The following MAPK10 variants were observed in gnomAD, a reference collection of about 807,000 sequenced individuals.
MAPK10 encodes the protein JNK3 alpha protein kinase.
A neutral mutation model predicts 59.3 loss-of-function variants in MAPK10; 25 were observed. The ratio of observed to expected loss-of-function variants is 0.42; its 90% CI spans 0.31 to 0.59. The LOEUF (loss-of-function observed/expected upper bound fraction) is 0.59. Among genes scored for constraint, MAPK10 ranks in the 20% least tolerant of loss-of-function variants. The pLI, the probability that MAPK10 is intolerant of heterozygous loss-of-function variation, is 0.15. For missense variants in MAPK10, 351 were observed against 568.9 expected (o/e 0.62, Z 3.90); for synonymous variants, 190 against 200.5 (o/e 0.95, Z 0.44).
At chr4:86,047,298 T>C (rs990363503) in intron 11 of MAPK10, among the ~76,000 whole-genome samples, 1 of 152,034 alleles carries the variant, frequency 6.6e-6, no homozygotes, top group African/African-American at 2.4e-5. Context: ...GAAGGTAACA[T>C]TTGAGCAGAG....
intron 1 of MAPK10, among the ~76,000 whole-genome samples, chr4:86,560,960 C>A (rs879846974): frequency 2.0e-5 from 3 of 152,142 alleles, no homozygotes; most frequent in Non-Finnish European, 2.9e-5. Flanking sequence ...TATTACAATC[C>A]CTGTTCAATC....
chr4:86,525,458 CCACCCA>C (rs1401746756), intron 1 of MAPK10, among the ~76,000 whole-genome samples: 1 of 151,964 alleles, frequency 6.6e-6, no homozygotes, highest in Non-Finnish European at 1.5e-5. Context: ...TTTTTTAACC[CCACCCA>C]CACCCTAGTC....
intron 11 of MAPK10, among the ~76,000 whole-genome samples, chr4:86,058,292 G>A (rs1332022012): frequency 6.7e-6 from 1 of 149,594 alleles, no homozygotes; most frequent in African/African-American, 2.5e-5. Context: ...AATAAGGAAA[G>A]AATGACCTGG....
At chr4:86,498,555 C>T (rs1755067780) in intron 1 of MAPK10, among the ~76,000 whole-genome samples, 3 of 152,122 alleles carry the variant, frequency 2.0e-5, no homozygotes, top group Admixed American at 6.5e-5. Flanking sequence ...AGACTAGGAT[C>T]ATTAAGACAA....
intron 1 of MAPK10, among the ~76,000 whole-genome samples, chr4:86,370,132 G>C (rs1738530487): frequency 6.6e-6 from 1 of 152,138 alleles, no homozygotes; most frequent in Non-Finnish European, 1.5e-5. Context: ...ATTTTCTGTT[G>C]TTTGATAATG....
At chr4:86,532,178 T>G (rs113721251) in intron 1 of MAPK10, among the ~76,000 whole-genome samples, 7,090 of 151,478 alleles carry the variant, frequency 0.047, 223 homozygotes, top group African/African-American at 0.059. Flanking sequence ...TCAATTCAAA[T>G]AATATTTAAT....
intron 2 of MAPK10, among the ~76,000 whole-genome samples, chr4:86,281,022 T>C (rs2148797545): frequency 6.6e-6 from 1 of 152,188 alleles, no homozygotes; most frequent in Non-Finnish European, 1.5e-5. Context: ...AACAGTTTCA[T>C]TCATACCCCA....
rs184322997 is a variant in MAPK10, at chr4:86,229,875, G to A, written c.-6-35468C>T. Among the ~76,000 whole-genome samples the A allele has an allele frequency of 1.2e-3, 186 of 151,970 alleles. 1 individual carries two copies. Among genetic ancestry groups the A allele is most frequent in the Middle Eastern group, 3.4e-3 (1 of 294 alleles). ...GTTCAATACCAGCCTGGGCAACATAGTGAGACTCTGTCTCTACAAAAAAAA... is the reference window on the plus strand; with the variant it reads ...GTTCAATACCAGCCTGGGCAACATAATGAGACTCTGTCTCTACAAAAAAAA... On this transcript the variant is annotated intron_variant, in intron 2 of 13. Transcript: ENST00000641462.
rs70948789 is a variant in MAPK10 at position 86,365,431 on chromosome 4, CAAAAAAAAAAAAAAAAAAAA to C, written c.-121-10807_-121-10788del. Among the ~76,000 whole-genome samples, 32 of 32,450 alleles carry C rather than the reference CAAAAAAAAAAAAAAAAAAAA, an allele frequency of 9.9e-4. 1 individual carries two copies. In the East Asian group the frequency reaches 0.017, roughly 17 times the overall value. The allele number at this position is 32,450 out of a possible 152,430, so 21.3% of individuals were successfully genotyped here. A position where few individuals can be genotyped will look rare whatever the true frequency, so the allele number is the denominator to read the frequency against. Reference sequence around the variant, plus strand: ...TGGGCAACAGGGTGAGACTCTGTCTCAAAAAAAAAAAAAAAAAAAAAAAAAAAAAAAAAAAAATTCTCACC... The same window carrying C: ...TGGGCAACAGGGTGAGACTCTGTCTCAAAAAAAAAAAAAAAAATTCTCACC... On this transcript the variant is annotated intron_variant, in intron 1 of 13. Coordinates refer to the MAPK10 transcript ENST00000361569.
intron 2 of MAPK10, among the ~76,000 whole-genome samples, chr4:86,208,720 G>A (rs967289799): frequency 1.3e-5 from 2 of 151,912 alleles, no homozygotes; most frequent in African/African-American, 4.8e-5. Context: ...ATTCAACATA[G>A]TGTTGGAAGT....
upstream of MAPK10, among the ~76,000 whole-genome samples, chr4:86,361,543 T>C (rs1736961251): frequency 6.6e-6 from 1 of 152,138 alleles, no homozygotes; most frequent in African/African-American, 2.4e-5. Context: ...AATCAGTTTG[T>C]CGAAGAGATG....
chr4:86,058,319 A>G (rs2045049322), intron 11 of MAPK10, among the ~76,000 whole-genome samples: 1 of 149,356 alleles, frequency 6.7e-6, no homozygotes, highest in Non-Finnish European at 1.5e-5. Flanking sequence ...CCAGCCCTGG[A>G]CACATTTGCC....
At chr4:86,303,310 T>A (rs1321762651) in intron 2 of MAPK10, among the ~76,000 whole-genome samples, 1 of 152,308 alleles carries the variant, frequency 6.6e-6, no homozygotes, top group South Asian at 2.1e-4. Context: ...TTATCAACAA[T>A]TGCTAAAATA....
intron 11 of MAPK10, among the ~76,000 whole-genome samples, chr4:86,052,305 G>A (rs914002806): frequency 3.3e-5 from 5 of 151,976 alleles, no homozygotes; most frequent in Non-Finnish European, 7.4e-5. Context: ...TCTAGTCTAA[G>A]AGTAACTTAT....
intron 4 of MAPK10, among the ~76,000 whole-genome samples, chr4:86,142,548 C>T (rs1195200347): frequency 6.6e-6 from 1 of 152,098 alleles, no homozygotes; most frequent in Admixed American, 6.5e-5. Context: ...ATCATTCTAG[C>T]AAGACACTAG....
chr4:86,046,379 T>G (rs2042505666), intron 11 of MAPK10, among the ~76,000 whole-genome samples: 1 of 151,796 alleles, frequency 6.6e-6, no homozygotes, highest in African/African-American at 2.4e-5. Flanking sequence ...CCTTGTCTTG[T>G]GCTGGTTTTC....
At chr4:86,523,065 GA>G (rs1757234634) in intron 1 of MAPK10, among the ~76,000 whole-genome samples, 1 of 152,090 alleles carries the variant, frequency 6.6e-6, no homozygotes, top group Non-Finnish European at 1.5e-5. Flanking sequence ...AGACTCATGG[GA>G]AATAATTAAT....
chr4:86,117,128 G>A (rs1473840038), intron 4 of MAPK10, among the ~76,000 whole-genome samples: 3 of 152,192 alleles, frequency 2.0e-5, no homozygotes, highest in Admixed American at 2.0e-4. Flanking sequence ...TACATTATAA[G>A]CTGGGCACAG....
chr4:86,133,889 T>A (rs1053045920), intron 4 of MAPK10, among the ~76,000 whole-genome samples: 17 of 152,280 alleles, frequency 1.1e-4, no homozygotes, highest in African/African-American at 3.8e-4. Context: ...GATTCTCGGG[T>A]AACAAAAAAA....
Sources: allele counts gnomAD v4.1 joint callset (sites outside exome capture counted in the v4.1 genomes callset), GRCh38; gene constraint gnomAD v4.1.1; transcripts MANE v1.5; gene names NCBI Gene and HGNC (gene_info 2026-07-23, HGNC 2026-07-21).